NUP107: variants seen among roughly 807,000 people sequenced by gnomAD.
The protein encoded by NUP107 is nuclear pore complex protein Nup107.
Under a neutral mutation model 141.0 loss-of-function variants are expected in NUP107, and 101 were observed. The ratio of observed to expected loss-of-function variants is 0.72; its 90% CI spans 0.61 to 0.84. The LOEUF is 0.84. NUP107 is among the 40% of genes least tolerant of loss of function. NUP107 has a pLI of 0.00. For missense variants in NUP107, 941 were observed against 1,102.7 expected (o/e 0.85, Z 2.08); for synonymous variants, 319 against 363.9 (o/e 0.88, Z 1.41).
intron 22 of NUP107, 153 bp from the exon 23 acceptor site, chr12:68,732,484 A>G (rs529650233): frequency 1.2e-4 from 61 of 502,784 alleles, no homozygotes; most frequent in Middle Eastern, 1.0e-3. Context: ...AAATACACTA[A>G]GGAAAGTTAG....
At chr12:68,724,596 G>A (rs533860000) in intron 17 of NUP107, among the ~76,000 whole-genome samples, 1 of 152,130 alleles carries the variant, frequency 6.6e-6, no homozygotes, top group Admixed American at 6.6e-5. Flanking sequence ...GGACAACATG[G>A]CAAAACCCCA....
Position 68,742,755 on chromosome 12 carries a change from C to T in NUP107, c.*293C>T, listed in dbSNP as rs1878374209. 6.2e-6 allele frequency: 1 copy of T among 162,460 alleles called. No individual in the cohort carries two copies. The highest frequency in any genetic ancestry group is 1.3e-5 in the Non-Finnish European group (1 of 75,220). The allele number at this position is 162,460 out of a possible 1,614,324, so 10.1% of individuals were successfully genotyped here. On this transcript the variant is annotated 3_prime_UTR_variant, in exon 28 of 28. Transcript: ENST00000229179. ...TTTCTGTTCTAGTTTTTTCTGTAAT[C>T]ATAAGCATTCTGATATTTTAAAATC...
At chr12:68,687,240 C>G (rs535878441) in intron 1 of NUP107, 167 bp downstream of exon 1, 1 of 979,094 alleles carries the variant, frequency 1.0e-6, no homozygotes, top group Non-Finnish European at 1.5e-6. Flanking sequence ...GGGAAAAAGC[C>G]GCTTGGCGTG....
chr12:68,714,555 C>G (rs1320065037), intron 11 of NUP107, among the ~76,000 whole-genome samples: 2 of 152,146 alleles, frequency 1.3e-5, no homozygotes, highest in Non-Finnish European at 2.9e-5. Context: ...GTGAATTGAT[C>G]TATTATGTAT....
chr12:68,734,315 C>T (rs1877970414), intron 24 of NUP107, among the ~76,000 whole-genome samples: 1 of 151,966 alleles, frequency 6.6e-6, no homozygotes, highest in South Asian at 2.1e-4. Flanking sequence ...AAATTTTATT[C>T]AATAAATAAT....
At chr12:68,722,213 C>T (rs1215209815) in intron 17 of NUP107, 61 bp downstream of exon 17, 2 of 1,379,984 alleles carry the variant, frequency 1.4e-6, no homozygotes, top group Admixed American at 2.2e-5. Flanking sequence ...TTCTATTGTG[C>T]ACTGTAGCTG....
At chr12:68,740,343 C>G (rs1454541720) in intron 26 of NUP107, 3 of 152,160 alleles carry the variant, frequency 2.0e-5, no homozygotes, top group Non-Finnish European at 4.4e-5. Context: ...ATTTTAAATC[C>G]ACCTCTGAAG....
intron 10 of NUP107, among the ~76,000 whole-genome samples, chr12:68,712,493 G>C (rs1876906983): frequency 6.7e-6 from 1 of 149,330 alleles, no homozygotes; most frequent in African/African-American, 2.5e-5. Flanking sequence ...TACAAAGTCT[G>C]TAAGTCAATT....
intron 12 of NUP107, among the ~76,000 whole-genome samples, chr12:68,716,064 TG>T (rs1306876428): frequency 2.4e-4 from 36 of 151,984 alleles, no homozygotes; most frequent in Middle Eastern, 3.4e-3. Context: ...TTTTTGTTTT[TG>T]TTTTTTTTTT....
chr12:68,709,291 A>G lies in NUP107; in HGVS notation c.783A>G (p.Ser261=), dbSNP rs1258143954. ...TGGAAGCGTTATTTCAGAGGGATTC[A>G]CTTGTTCGACAAAGTCAGGTATGAC... ...TVVEALFQRD[S]LVRQSQLVVD... Residue 261 remains serine (S), a synonymous_variant, in exon 9 of 28, where the codon TCA becomes TCG. Coordinates refer to ENST00000229179, the MANE Select transcript of NUP107 (RefSeq NM_020401.4). The G allele has an allele frequency of 6.3e-7, 1 of 1,599,730 alleles. No individual in the cohort carries two copies. Among genetic ancestry groups the G allele is most frequent in the Non-Finnish European group, 8.5e-7 (1 of 1,175,080 alleles).
chr12:68,710,235 A>AG (rs1565692964), intron 10 of NUP107, 142 bp downstream of exon 10: 1 of 533,742 alleles, frequency 1.9e-6, no homozygotes, highest in Non-Finnish European at 3.3e-6. Context: ...AAACAAATAA[A>AG]GGCTTTGCCT....
chr12:68,715,595 T>C (rs1464265401), intron 11 of NUP107, 32 bp from the exon 12 acceptor site: 1 of 1,169,918 alleles, frequency 8.5e-7, no homozygotes, highest in Non-Finnish European at 1.3e-6. Context: ...AAAGGATTTA[T>C]GGTTGATGAT....
rs777248783 is a variant in NUP107, at chr12:68,722,171, ATGTTAGGTATC to A, written c.1506+22_1506+32del. On this transcript the variant is annotated intron_variant, in intron 17 of 27. Coordinates refer to ENST00000229179, the MANE Select transcript of NUP107 (RefSeq NM_020401.4). ...CAAAAAGGTAAATGTTAATAGGAAT[ATGTTAGGTATC>A]TGGAATAGGAAACAGTGTTATTCTA... 1 of 1,604,868 alleles carries A rather than the reference ATGTTAGGTATC, an allele frequency of 6.2e-7. No homozygotes were observed. Among genetic ancestry groups the A allele is most frequent in the East Asian group, 2.2e-5 (1 of 44,800 alleles).
At chr12:68,691,915 T>C in intron 4 of NUP107, 53 bp from the exon 5 acceptor site, 1 of 1,454,964 alleles carries the variant, frequency 6.9e-7, no homozygotes, top group East Asian at 2.4e-5. Context: ...ATCCACTCAG[T>C]GACAATAACT....
chr12:68,701,917 C>A (rs1418101665), intron 7 of NUP107, among the ~76,000 whole-genome samples: 1 of 152,042 alleles, frequency 6.6e-6, no homozygotes, highest in Non-Finnish European at 1.5e-5. Flanking sequence ...TCAAGGGATT[C>A]TCCTGCCTCA....
chr12:68,712,101 G>C (rs1354313977), intron 10 of NUP107, among the ~76,000 whole-genome samples: 1 of 152,086 alleles, frequency 6.6e-6, no homozygotes, highest in Non-Finnish European at 1.5e-5. Flanking sequence ...CTAAGTTAAA[G>C]GGACAGTTTA....
At chr12:68,734,645 T>C (rs1307781392) in intron 24 of NUP107, 63 bp from the exon 25 acceptor site, 18 of 1,275,136 alleles carry the variant, frequency 1.4e-5, no homozygotes, top group Admixed American at 2.6e-5. Flanking sequence ...AAAATGTTGG[T>C]GAAACGATAA....
At chr12:68,702,023 C>G (rs752909128) in intron 7 of NUP107, among the ~76,000 whole-genome samples, 22 of 152,036 alleles carry the variant, frequency 1.4e-4, no homozygotes, top group Non-Finnish European at 5.9e-5. Flanking sequence ...GAATCTCGCT[C>G]TGTTGCCCAG....
chr12:68,687,106 T>G, intron 1 of NUP107, 33 bp downstream of exon 1: 1 of 1,613,286 alleles, frequency 6.2e-7, no homozygotes, highest in East Asian at 2.2e-5. Flanking sequence ...GAGCCCGAAG[T>G]CTTGCCCGTC....
Sources: gnomAD v4.1 joint callset for allele counts (sites outside exome capture counted in the v4.1 genomes callset) on GRCh38, gnomAD v4.1.1 for gene constraint, MANE v1.5 for transcripts, NCBI Gene and HGNC (gene_info 2026-07-23, HGNC 2026-07-21) for gene names.